Variants in TRIM13 observed in about 807,000 individuals in gnomAD.
TRIM13 encodes E3 ubiquitin-protein ligase TRIM13.
A neutral mutation model predicts 27.1 loss-of-function variants in TRIM13; 15 were observed. That is an observed-to-expected ratio of 0.55 (90% CI 0.37 to 0.85). The LOEUF is 0.85. TRIM13 is among the 40% of genes least tolerant of loss of function. The probability of loss-of-function intolerance (pLI) is 0.00; values close to 1 mark genes in which losing one functional copy is unlikely to be tolerated. For missense variants in TRIM13, 402 were observed against 472.2 expected, an observed-to-expected ratio of 0.85 and a Z score of 1.38; for synonymous variants, 193 against 171.5, an observed-to-expected ratio of 1.13 and a Z score of -0.98.
intron 1 of TRIM13, among the ~76,000 whole-genome samples, chr13:50,011,332 G>A (rs1342620238): frequency 6.6e-6 from 1 of 152,142 alleles, no homozygotes; most frequent in Non-Finnish European, 1.5e-5. Context: ...TGTTCTGGTG[G>A]TTTAAAAACA....
intron 1 of TRIM13, among the ~76,000 whole-genome samples, chr13:50,003,686 T>C (rs1874322562): frequency 2.0e-5 from 3 of 152,234 alleles, no homozygotes; most frequent in Admixed American, 2.0e-4. Flanking sequence ...TGTTGCCAGA[T>C]ACTAATTGAG....
Position 50,012,603 on chromosome 13 carries a change from A to G in TRIM13, c.663A>G (p.Lys221=), listed in dbSNP as rs767082795. 1.9e-6 allele frequency: 3 copies of G among 1,614,102 alleles called. No homozygotes were observed. In the East Asian group the frequency reaches 6.7e-5, roughly 36 times the overall value. ...VMQAYDPEIN[K]LNTILQEQRM... ...AAGCATATGACCCAGAGATCAACAA[A>G]CTCAACACCATCTTGCAGGAGCAAC... Residue 221 remains lysine, a synonymous_variant, in exon 2 of 2, where the codon AAA becomes AAG. Coordinates refer to ENST00000378182, the MANE Select transcript of TRIM13 (RefSeq NM_213590.3).
chr13:50,004,441 G>A (rs73196731), intron 1 of TRIM13, among the ~76,000 whole-genome samples: 20,177 of 151,916 alleles, frequency 0.13, 1,422 homozygotes, highest in African/African-American at 0.14. Flanking sequence ...TTCCAGCCTG[G>A]GCAACAGAGT....
chr13:49,997,068 G>C lies in TRIM13; in HGVS notation c.-702G>C, dbSNP rs1873300083. 6.6e-6 allele frequency: 1 copy of C among 151,430 alleles called. No homozygotes were observed. Among genetic ancestry groups the C allele is most frequent in the South Asian group, 2.1e-4 (1 of 4,772 alleles). 9.4% of individuals were successfully genotyped at this position (151,430 alleles called of 1,614,324 possible). A position where few individuals can be genotyped will look rare whatever the true frequency, so the allele number is the denominator to read the frequency against. ...AGTCCATTTTGGGGCTGTGCTTGGC[G>C]CGTACCGTGCGGTCCCTGTAGTTGG... On this transcript the variant is annotated 5_prime_UTR_variant, in exon 1 of 2. Coordinates refer to ENST00000378182, the MANE Select transcript of TRIM13 (RefSeq NM_213590.3).
At chr13:49,999,980 T>TA (rs1468459636) in intron 1 of TRIM13, among the ~76,000 whole-genome samples, 4 of 152,150 alleles carry the variant, frequency 2.6e-5, no homozygotes, top group Non-Finnish European at 4.4e-5. Flanking sequence ...GGGGGTGTCT[T>TA]AGTTTTTTTG....
chr13:50,000,603 G>C (rs1873905692), intron 1 of TRIM13, among the ~76,000 whole-genome samples: 1 of 152,204 alleles, frequency 6.6e-6, no homozygotes. Flanking sequence ...TAAGGGGATA[G>C]GATACAAAAT....
At chr13:50,005,565 T>G (rs2138370650) in intron 1 of TRIM13, among the ~76,000 whole-genome samples, 1 of 151,036 alleles carries the variant, frequency 6.6e-6, no homozygotes, top group South Asian at 2.1e-4. Context: ...TCCCAGCTAC[T>G]CGGGGAGACT....
Position 50,012,379 on chromosome 13 carries a change from C to T in TRIM13, c.439C>T (p.Gln147Ter), listed in dbSNP as rs1465287358. 6.2e-7 allele frequency: 1 copy of T among 1,614,132 alleles called. No individual in the cohort carries two copies. Among genetic ancestry groups the T allele is most frequent in the African/African-American group, 1.3e-5 (1 of 75,032 alleles). The change falls in exon 2 of 2, where the codon CAG (glutamine) becomes TAG (stop). Residue 147 changes from glutamine to a stop codon, truncating the protein, a stop_gained. Transcript: ENST00000378182. LOFTEE classifies it high-confidence loss of function. The stretch of plus-strand genomic sequence containing the variant: ...AAGGGATGCCTTTGAGTCCCTCTTC[C>T]AGAGCTTTGAGACCTGGCGTCGGGG... ...QERDAFESLF[Q>*]SFETWRRGDA...
In TRIM13 at chr13:50,014,621, C is replaced by G. The variant is rs1396250189; in HGVS notation, c.*1457C>G. ...TAATCAGCTGAACACTAATGCTGTT[C>G]TGTCTGCTCACAAGAGATAAAGATA... On this transcript the variant is annotated 3_prime_UTR_variant, in exon 2 of 2. Coordinates refer to ENST00000378182, the MANE Select transcript of TRIM13 (RefSeq NM_213590.3). The G allele has an allele frequency of 6.0e-6, 1 of 166,694 alleles. No individual in the cohort carries two copies. The highest frequency in any genetic ancestry group is 2.4e-5 in the African/African-American group (1 of 41,350). 10.3% of individuals were successfully genotyped at this position (166,694 alleles called of 1,614,324 possible).
In TRIM13 at chr13:49,997,165, C is replaced by G. The variant is rs28411370; in HGVS notation, c.-605C>G. 20,073 of 151,878 alleles carry G rather than the reference C, an allele frequency of 0.13. 1,399 individuals are homozygous for G. Among genetic ancestry groups the G allele is most frequent in the African/African-American group, 0.14 (5,842 of 41,352 alleles). The allele number at this position is 151,878 out of a possible 1,614,324, so 9.4% of individuals were successfully genotyped here. On this transcript the variant is annotated 5_prime_UTR_variant, in exon 1 of 2. Transcript: ENST00000378182. ...TAAGTACCCGCCGCCCGGCTCCTCT[C>G]GGGAAAGCGGGGTGGTCCTCGAACC... is the stretch of plus-strand genomic sequence containing the variant.
At chr13:49,998,580 A>C (rs978842874) in intron 1 of TRIM13, among the ~76,000 whole-genome samples, 3 of 151,996 alleles carry the variant, frequency 2.0e-5, no homozygotes, top group Non-Finnish European at 4.4e-5. Context: ...TGGAATTCTC[A>C]CACATCACAC....
At chr13:50,000,492 A>C (rs1030770721) in intron 1 of TRIM13, among the ~76,000 whole-genome samples, 5 of 152,246 alleles carry the variant, frequency 3.3e-5, no homozygotes, top group Non-Finnish European at 7.3e-5. Context: ...ACACAGCAAC[A>C]AGAACAAACC....
chr13:50,015,120 TA>T lies in TRIM13; in HGVS notation c.*1957del, dbSNP rs1876345466. On this transcript the variant is annotated 3_prime_UTR_variant, in exon 2 of 2. Coordinates refer to ENST00000378182, the MANE Select transcript of TRIM13 (RefSeq NM_213590.3). ...ATATATATATATATATATATATATA[TA>T]TATATATATATATATATATATATAT... 3 of 37,940 alleles carry T rather than the reference TA, an allele frequency of 7.9e-5. 1 individual carries two copies. The highest frequency in any genetic ancestry group is 8.5e-5 in the African/African-American group (1 of 11,794). The allele number at this position is 37,940 out of a possible 1,614,324, so 2.4% of individuals were successfully genotyped here.
chr13:50,012,384 C>T lies in TRIM13; in HGVS notation c.444C>T (p.Ser148=), dbSNP rs757158674. 6.2e-7 allele frequency: 1 copy of T among 1,614,134 alleles called. No individual in the cohort carries two copies. The highest frequency in any genetic ancestry group is 1.7e-5 in the Admixed American group (1 of 60,010). ...ERDAFESLFQ[S]FETWRRGDAL... ...ATGCCTTTGAGTCCCTCTTCCAGAG[C>T]TTTGAGACCTGGCGTCGGGGAGATG... Residue 148 remains serine, a synonymous_variant, in exon 2 of 2, where the codon AGC becomes AGT. Coordinates refer to ENST00000378182, the MANE Select transcript of TRIM13 (RefSeq NM_213590.3).
In TRIM13 at chr13:50,015,389, C is replaced by A; in HGVS notation, c.*2225C>A. 1 of 828,992 alleles carries A rather than the reference C, an allele frequency of 1.2e-6. No individual in the cohort carries two copies. Among genetic ancestry groups the A allele is most frequent in the Non-Finnish European group, 2.0e-6 (1 of 512,356 alleles). The allele number at this position is 828,992 out of a possible 1,614,324, so 51.4% of individuals were successfully genotyped here. A position where few individuals can be genotyped will look rare whatever the true frequency, so the allele number is the denominator to read the frequency against. On this transcript the variant is annotated 3_prime_UTR_variant, in exon 2 of 2. Coordinates refer to ENST00000378182, the MANE Select transcript of TRIM13 (RefSeq NM_213590.3). ...TCTAAGTCTGGTTTTTGTTATTCTT[C>A]CCTCCCCTCCACTGCATAATCATGT...
rs1876534965 is a variant in TRIM13, at chr13:50,016,157, C to G, written c.*2993C>G. On this transcript the variant is annotated 3_prime_UTR_variant, in exon 2 of 2. Transcript: ENST00000378182. ...TTGAAGTTCCTCAGGCCTGTAACTT[C>G]TGGAAAAGATGATTATTCAAAATAA... The G allele has an allele frequency of 1.2e-6, 1 of 850,130 alleles. No homozygotes were observed. Among genetic ancestry groups the G allele is most frequent in the African/African-American group, 2.5e-5 (1 of 40,404 alleles). 52.7% of individuals were successfully genotyped at this position (850,130 alleles called of 1,614,324 possible).
Position 50,007,520 on chromosome 13 carries a change from C to G in TRIM13, c.-6-4415C>G, listed in dbSNP as rs191117892. On this transcript the variant is annotated intron_variant, in intron 1 of 1. Transcript: ENST00000378182. ...AAAAAAAAAACGCCAGGCACGGTGGCTCACCCCTGTAATCCCAGCAGTTTG... is the reference window on the plus strand; with the variant it reads ...AAAAAAAAAACGCCAGGCACGGTGGGTCACCCCTGTAATCCCAGCAGTTTG... Among the ~76,000 whole-genome samples, 1,194 of 148,872 alleles carry G rather than the reference C, an allele frequency of 8.0e-3. 5 individuals are homozygous for G. Among genetic ancestry groups the G allele is most frequent in the Non-Finnish European group, 0.012 (785 of 67,588 alleles).
intron 1 of TRIM13, among the ~76,000 whole-genome samples, chr13:50,003,890 C>T (rs1361323375): frequency 6.6e-6 from 1 of 152,120 alleles, no homozygotes; most frequent in Non-Finnish European, 1.5e-5. Flanking sequence ...ACAAGTTTGA[C>T]TTTTTTCCGC....
intron 1 of TRIM13, among the ~76,000 whole-genome samples, chr13:50,005,204 G>A (rs1020077525): frequency 6.6e-6 from 1 of 152,076 alleles, no homozygotes; most frequent in Non-Finnish European, 1.5e-5. Context: ...TTAAGATTTT[G>A]TAAGTTATTT....
Sources: allele counts gnomAD v4.1 joint callset (sites outside exome capture counted in the v4.1 genomes callset), GRCh38; gene constraint gnomAD v4.1.1; transcripts MANE v1.5; gene names NCBI Gene and HGNC (gene_info 2026-07-23, HGNC 2026-07-21).